The following PPARGC1A variants were observed in gnomAD, a reference collection of about 807,000 sequenced individuals.
The protein encoded by PPARGC1A is peroxisome proliferator-activated receptor gamma coactivator 1-alpha.
In PPARGC1A, 25 loss-of-function variants were observed where a neutral mutation model predicts 88.7. That is an observed-to-expected ratio of 0.28 (90% CI 0.21 to 0.39). The LOEUF is 0.39. PPARGC1A is among the 10% of genes least tolerant of loss of function. The probability of loss-of-function intolerance (pLI) is 1.00; values close to 1 mark genes in which losing one functional copy is unlikely to be tolerated. For missense variants in PPARGC1A, 880 were observed against 968.7 expected (o/e 0.91, Z 1.22); for synonymous variants, 363 against 355.6 (o/e 1.02, Z -0.24).
At chr4:24,116,304 C>A in the PPARGC1A span, among the ~76,000 whole-genome samples, 1 of 152,140 alleles carries the variant, frequency 6.6e-6, no homozygotes, top group Non-Finnish European at 1.5e-5. Context: ...CATAGTTAAC[C>A]CTTTACCCTT....
chr4:24,004,989 G>T, the PPARGC1A span, among the ~76,000 whole-genome samples: 2 of 151,996 alleles, frequency 1.3e-5, no homozygotes, highest in African/African-American at 4.8e-5. Flanking sequence ...TTTTCCCAAG[G>T]GCTTTCCAAA....
the PPARGC1A span, among the ~76,000 whole-genome samples, chr4:24,083,288 A>G: frequency 6.6e-6 from 1 of 152,170 alleles, no homozygotes; most frequent in African/African-American, 2.4e-5. Flanking sequence ...AGCTTTTTAC[A>G]GTAGACATAA....
chr4:24,104,235 G>A, the PPARGC1A span, among the ~76,000 whole-genome samples: 2 of 152,180 alleles, frequency 1.3e-5, no homozygotes, highest in South Asian at 2.1e-4. Context: ...GGCCAGGCCC[G>A]GGTGGCTATA....
the PPARGC1A span, among the ~76,000 whole-genome samples, chr4:23,999,328 T>C: frequency 1.2e-4 from 18 of 152,308 alleles, no homozygotes; most frequent in Admixed American, 1.2e-3. Context: ...TTAACTGAAG[T>C]AGTGAAGCTG....
At chr4:23,820,500 C>T (rs1873534) in intron 7 of PPARGC1A, 210 of 276,818 alleles carry the variant, frequency 7.6e-4, no homozygotes, top group African/African-American at 4.2e-3. Flanking sequence ...TTGCCATTCC[C>T]ATTTCAGAAA....
chr4:23,969,884 G>A, the PPARGC1A span, among the ~76,000 whole-genome samples: 2 of 152,186 alleles, frequency 1.3e-5, no homozygotes, highest in Non-Finnish European at 2.9e-5. Flanking sequence ...AAATATCCCA[G>A]TATGTCCCTT....
chr4:24,302,509 G>A, the PPARGC1A span, among the ~76,000 whole-genome samples: 2 of 152,344 alleles, frequency 1.3e-5, no homozygotes, highest in East Asian at 3.9e-4. Flanking sequence ...TTTGATGAAG[G>A]TGGCCCTGAG....
upstream of PPARGC1A, among the ~76,000 whole-genome samples, chr4:23,906,382 G>C (rs1403799555): frequency 6.6e-6 from 1 of 152,086 alleles, no homozygotes; most frequent in Non-Finnish European, 1.5e-5. Context: ...TGAGGTCTTG[G>C]TGGGAGGATC....
the PPARGC1A span, among the ~76,000 whole-genome samples, chr4:24,215,568 G>T: frequency 6.6e-6 from 1 of 152,118 alleles, no homozygotes; most frequent in Non-Finnish European, 1.5e-5. Context: ...TTTTAAAGGG[G>T]TTTACATGCA....
the PPARGC1A span, among the ~76,000 whole-genome samples, chr4:24,415,287 G>A: frequency 1.3e-4 from 20 of 152,090 alleles, no homozygotes; most frequent in African/African-American, 3.9e-4. Context: ...TGTGGAGCTA[G>A]GGACTATCTC....
At chr4:23,911,702 T>C in the PPARGC1A span, among the ~76,000 whole-genome samples, 5 of 152,146 alleles carry the variant, frequency 3.3e-5, no homozygotes, top group Non-Finnish European at 5.9e-5. Context: ...TTGTGATAAG[T>C]CAATATGAAT....
chr4:23,886,524 C>A (rs1716922162), intron 1 of PPARGC1A, among the ~76,000 whole-genome samples: 1 of 152,110 alleles, frequency 6.6e-6, no homozygotes, highest in Non-Finnish European at 1.5e-5. Flanking sequence ...CAAGGGAATG[C>A]AAAGAAAGGG....
At chr4:23,929,084 T>A in the PPARGC1A span, among the ~76,000 whole-genome samples, 1 of 152,092 alleles carries the variant, frequency 6.6e-6, no homozygotes, top group South Asian at 2.1e-4. Flanking sequence ...GGCACACGTT[T>A]ACCTATGTAA....
chr4:24,169,477 G>A, the PPARGC1A span, among the ~76,000 whole-genome samples: 2 of 152,058 alleles, frequency 1.3e-5, no homozygotes, highest in African/African-American at 4.8e-5. Flanking sequence ...GTTATAACAG[G>A]GGAGACTGGG....
chr4:24,290,204 C>CT, the PPARGC1A span, among the ~76,000 whole-genome samples: 12 of 149,774 alleles, frequency 8.0e-5, no homozygotes, highest in Admixed American at 2.0e-4. Context: ...ATATCACCTT[C>CT]TTTTTTTTTT....
At chr4:24,156,369 T>G in the PPARGC1A span, among the ~76,000 whole-genome samples, 4 of 152,076 alleles carry the variant, frequency 2.6e-5, no homozygotes, top group African/African-American at 9.7e-5. Flanking sequence ...CTTGCTATTT[T>G]TTTTTTTCTT....
the PPARGC1A span, among the ~76,000 whole-genome samples, chr4:23,985,875 C>T: frequency 6.6e-6 from 1 of 151,974 alleles, no homozygotes; most frequent in East Asian, 1.9e-4. Context: ...AATTATGGTA[C>T]ACAATGGTAA....
chr4:24,278,711 C>T, the PPARGC1A span, among the ~76,000 whole-genome samples: 2 of 152,214 alleles, frequency 1.3e-5, no homozygotes, highest in Non-Finnish European at 2.9e-5. Context: ...TGATTTTCCA[C>T]ACCGTGTTGC....
chr4:23,997,345 A>C, the PPARGC1A span, among the ~76,000 whole-genome samples: 1 of 151,630 alleles, frequency 6.6e-6, no homozygotes, highest in Non-Finnish European at 1.5e-5. Context: ...TTAGGTAAAA[A>C]TCCTTTTTTT....
Sources: gnomAD v4.1 joint callset for allele counts (sites outside exome capture counted in the v4.1 genomes callset) on GRCh38, gnomAD v4.1.1 for gene constraint, MANE v1.5 for transcripts, NCBI Gene and HGNC (gene_info 2026-07-23, HGNC 2026-07-21) for gene names.